The following EFCAB6 variants were observed in gnomAD, a reference collection of about 807,000 sequenced individuals.
EFCAB6 encodes the protein EF-hand calcium binding domain 6, also known as EF-hand calcium-binding domain-containing protein 6.
Under a neutral mutation model 169.8 loss-of-function variants are expected in EFCAB6, and 156 were observed. That is an observed-to-expected ratio of 0.92 (90% CI 0.81 to 1.05). The LOEUF (loss-of-function observed/expected upper bound fraction) is 1.05, where lower values mean the gene tolerates loss of function less well. EFCAB6 is among the 50% of genes least tolerant of loss of function. EFCAB6 has a pLI of 0.00. For synonymous variants in EFCAB6, 698 were observed against 676.4 expected (o/e 1.03, Z -0.50); for missense variants, 1,800 against 1,829.1 (o/e 0.98, Z 0.29).
At chr22:43,641,616 C>CA (rs36039582) in intron 17 of EFCAB6, among the ~76,000 whole-genome samples, 22,642 of 121,996 alleles carry the variant, frequency 0.19, 2,393 homozygotes, top group African/African-American at 0.32. Context: ...AACTCCATCT[C>CA]AAAAAAAAAA....
intron 17 of EFCAB6, among the ~76,000 whole-genome samples, chr22:43,648,144 T>C (rs2056280856): frequency 6.6e-6 from 1 of 152,088 alleles, no homozygotes; most frequent in Non-Finnish European, 1.5e-5. Flanking sequence ...ATATGATATA[T>C]ATCCTCATTT....
intron 6 of EFCAB6, among the ~76,000 whole-genome samples, chr22:43,755,380 T>G (rs558827021): frequency 2.6e-5 from 4 of 152,362 alleles, no homozygotes; most frequent in East Asian, 3.9e-4. Flanking sequence ...GTTTGACTGG[T>G]TATTTTTACT....
intron 5 of EFCAB6, among the ~76,000 whole-genome samples, chr22:43,762,144 T>G (rs1398366442): frequency 2.0e-5 from 3 of 152,242 alleles, no homozygotes; most frequent in South Asian, 2.1e-4. Context: ...CAGACCCTCA[T>G]GCAAATCAAC....
intron 10 of EFCAB6, among the ~76,000 whole-genome samples, chr22:43,705,289 A>G (rs967690461): frequency 2.0e-5 from 3 of 152,178 alleles, no homozygotes; most frequent in Non-Finnish European, 4.4e-5. Flanking sequence ...AGGGGATTTC[A>G]ATACCCCACT....
rs765041746 is a variant in EFCAB6, at chr22:43,581,373, CAAAT to C, written c.3033-718_3033-715del. Among the ~76,000 whole-genome samples the C allele has an allele frequency of 1.8e-4, 28 of 152,030 alleles. No homozygotes were observed. The Middle Eastern group carries it at 0.01, about 55-fold the overall frequency. ...AAACCTATCTAGCTGAGGATTTTCT[CAAAT>C]AAAAATCCACCTGCATCGATGGCTC... is the stretch of plus-strand genomic sequence containing the variant. On this transcript the variant is annotated intron_variant, in intron 24 of 31. Transcript: ENST00000262726.
chr22:43,755,740 A>C, intron 6 of EFCAB6, 26 bp downstream of exon 6: 1 of 1,574,522 alleles, frequency 6.4e-7, no homozygotes, highest in Non-Finnish European at 8.6e-7. Flanking sequence ...GGTGGGGGGA[A>C]ATCATTTCTT....
At chr22:43,618,210 GAAAGAAAGAAAGAGAA>G (rs1157857197) in intron 20 of EFCAB6, among the ~76,000 whole-genome samples, 5 of 141,002 alleles carry the variant, frequency 3.5e-5, no homozygotes, top group Admixed American at 7.1e-5. Flanking sequence ...AAGAAAGAAA[GAAAGAAAGAAAGAGAA>G]AGAAAGAAAG....
intron 3 of EFCAB6, among the ~76,000 whole-genome samples, chr22:43,774,093 C>T (rs960942104): frequency 1.3e-5 from 2 of 151,996 alleles, no homozygotes; most frequent in Non-Finnish European, 2.9e-5. Flanking sequence ...TTGCCTCATC[C>T]TTTATAATAA....
In EFCAB6 at chr22:43,602,841, C is replaced by T. The variant is rs138582788; in HGVS notation, c.2682-2578G>A. Among the ~76,000 whole-genome samples the T allele has an allele frequency of 3.8e-3, 580 of 152,150 alleles. 1 individual carries two copies. Among genetic ancestry groups the T allele is most frequent in the Admixed American group, 8.2e-3 (125 of 15,266 alleles). On this transcript the variant is annotated intron_variant, in intron 22 of 31. Coordinates refer to ENST00000262726, the MANE Select transcript of EFCAB6 (RefSeq NM_022785.4). ...AGGACCCGACGGGTTAGTGCATTTG[C>T]GGATACATGAGGAGTGCATGTTGGC...
At chr22:43,620,699 AT>A (rs536973822) in intron 20 of EFCAB6, among the ~76,000 whole-genome samples, 141 of 152,150 alleles carry the variant, frequency 9.3e-4, no homozygotes, top group African/African-American at 3.3e-3. Flanking sequence ...ATAATACACA[AT>A]TTTTTTTCTC....
Position 43,795,493 on chromosome 22 carries a change from C to T in EFCAB6, c.-7-13168G>A, listed in dbSNP as rs561390220. Among the ~76,000 whole-genome samples the T allele has an allele frequency of 5.1e-4, 77 of 152,242 alleles. No individual in the cohort carries two copies. Among genetic ancestry groups the T allele is most frequent in the Non-Finnish European group, 1.0e-3 (69 of 67,992 alleles). On this transcript the variant is annotated intron_variant, in intron 2 of 31. Transcript: ENST00000262726. This position sits in a 1 kb window ranked among gnomAD's most constrained non-coding sequence, Gnocchi z 4.2. ...TCCCCTCTCACGGCCCCATGGGTCCCTCGGCCCTGCTCCACCCCAGCCGAT... is the reference window on the plus strand; with the variant it reads ...TCCCCTCTCACGGCCCCATGGGTCCTTCGGCCCTGCTCCACCCCAGCCGAT...
chr22:43,727,446 T>C (rs1001712280), intron 8 of EFCAB6, among the ~76,000 whole-genome samples: 1 of 152,120 alleles, frequency 6.6e-6, no homozygotes, highest in Non-Finnish European at 1.5e-5. Context: ...AAAAAAATTT[T>C]TAAGCATTTA....
rs1323418844 is a variant in EFCAB6 at position 43,572,055 on chromosome 22, G to A, written c.3420+4242C>T. ...CGCACACTGATGGGACAGGGCAGGA[G>A]GTGGCCGGTGCAGGGATGCGTGCTG... On this transcript the variant is annotated intron_variant, in intron 26 of 31. Coordinates refer to ENST00000262726, the MANE Select transcript of EFCAB6 (RefSeq NM_022785.4). This position sits in a 1 kb window ranked among gnomAD's most constrained non-coding sequence, Gnocchi z 4.0. Among the ~76,000 whole-genome samples the A allele has an allele frequency of 6.6e-6, 1 of 152,222 alleles. No individual in the cohort carries two copies. The highest frequency in any genetic ancestry group is 2.4e-5 in the African/African-American group (1 of 41,460).
chr22:43,560,196 TAAA>T (rs1254764382), intron 26 of EFCAB6, among the ~76,000 whole-genome samples: 1 of 152,176 alleles, frequency 6.6e-6, no homozygotes, highest in African/African-American at 2.4e-5. Flanking sequence ...AAAATTCTAA[TAAA>T]AATCTCAATG....
At chr22:43,785,478 A>G (rs529846354) in intron 2 of EFCAB6, among the ~76,000 whole-genome samples, 1 of 152,358 alleles carries the variant, frequency 6.6e-6, no homozygotes, top group African/African-American at 2.4e-5. Context: ...ATGAAGGCAC[A>G]ACATATAAAA....
intron 22 of EFCAB6, among the ~76,000 whole-genome samples, chr22:43,605,629 T>C (rs2052863584): frequency 6.6e-6 from 1 of 151,102 alleles, no homozygotes; most frequent in African/African-American, 2.4e-5. Flanking sequence ...AGTGACAGAG[T>C]GAGACTCTGT....
chr22:43,555,482 A>T (rs1327323708), intron 26 of EFCAB6, among the ~76,000 whole-genome samples: 1 of 152,250 alleles, frequency 6.6e-6, no homozygotes, highest in East Asian at 1.9e-4. Context: ...GGGAATGAAC[A>T]GGGATTGGCA....
chr22:43,626,786 T>A, intron 19 of EFCAB6, 107 bp from the exon 20 acceptor site: 1 of 996,110 alleles, frequency 1.0e-6, no homozygotes, highest in Non-Finnish European at 1.5e-6. Flanking sequence ...AGGGGCAGCT[T>A]GGCTGGGCCC....
In EFCAB6 at chr22:43,540,131, G is replaced by A. The variant is rs1378900164; in HGVS notation, c.3875C>T (p.Pro1292Leu). The A allele has an allele frequency of 6.2e-7, 1 of 1,614,004 alleles. No homozygotes were observed. The highest frequency in any genetic ancestry group is 1.7e-5 in the Admixed American group (1 of 60,020). Reference protein sequence around the residue: ...LRPGSKSQSHPCTPASTTVIP... With the variant: ...LRPGSKSQSHLCTPASTTVIP... ...CTGGCAGGATGGAGAACTCACACAG[G>A]GGTGGCTCTGCGACTTTGACCCTGG... The change falls in exon 28 of 32, where the codon CCC (proline) becomes CTC (leucine). Residue 1292 changes from proline to leucine, a missense_variant. Coordinates refer to ENST00000262726, the MANE Select transcript of EFCAB6 (RefSeq NM_022785.4).
Sources: allele counts gnomAD v4.1 joint callset (sites outside exome capture counted in the v4.1 genomes callset), GRCh38; gene constraint gnomAD v4.1.1; non-coding constraint Gnocchi (gnomAD v3.1); transcripts MANE v1.5; gene names NCBI Gene and HGNC (gene_info 2026-07-23, HGNC 2026-07-21).